The following RIPOR3 variants were observed in gnomAD, a reference collection of about 807,000 sequenced individuals.
RIPOR3 encodes family with sequence similarity 65 member C.
A neutral mutation model predicts 114.3 loss-of-function variants in RIPOR3; 95 were observed. The ratio of observed to expected loss-of-function variants is 0.83; its 90% CI spans 0.70 to 0.99. The LOEUF (loss-of-function observed/expected upper bound fraction) is 0.99. Ranked by LOEUF, RIPOR3 falls within the 50% of genes least tolerant of loss-of-function variation. RIPOR3 has a pLI of 0.00. For synonymous variants in RIPOR3, 575 were observed against 543.8 expected (o/e 1.06, Z -0.80); for missense variants, 1,252 against 1,266.9 (o/e 0.99, Z 0.18).
At chr20:50,618,659 A>G (rs1383674287) in intron 3 of RIPOR3, among the ~76,000 whole-genome samples, 1 of 151,990 alleles carries the variant, frequency 6.6e-6, no homozygotes, top group African/African-American at 2.4e-5. Context: ...TATTCTCTGT[A>G]CTTTTCTTTT....
intron 1 of RIPOR3, among the ~76,000 whole-genome samples, chr20:50,657,043 A>G (rs1461764105): frequency 6.6e-6 from 1 of 152,216 alleles, no homozygotes; most frequent in Admixed American, 6.5e-5. Flanking sequence ...GATATACCAT[A>G]CTTAGCACTG....
At chr20:50,587,945 G>T in intron 20 of RIPOR3, 53 bp from the exon 21 acceptor site, 2 of 1,567,608 alleles carry the variant, frequency 1.3e-6, no homozygotes, top group Non-Finnish European at 1.8e-6. Context: ...TCAACAGCAG[G>T]TAGAGTCCAC....
In RIPOR3 at chr20:50,602,459, C is replaced by T. The variant is rs551010642; in HGVS notation, c.1272G>A (p.Ala424=). ...DPRDTETSTS[A]STSDVGFLPL... ...GCAGGAAGCCCACATCTGAGGTGGACGCCGACGTGCTGGTCTCCGTGTCTC... is the reference window on the plus strand; with the variant it reads ...GCAGGAAGCCCACATCTGAGGTGGATGCCGACGTGCTGGTCTCCGTGTCTC... Residue 424 remains alanine (A), a synonymous_variant, in exon 13 of 22, where the codon GCG becomes GCA. Coordinates refer to ENST00000327979, the MANE Select transcript of RIPOR3 (RefSeq NM_001290268.2). The surrounding 1 kb of genome is among the most constrained non-coding windows in gnomAD (Gnocchi z 4.3). 4.5e-5 allele frequency: 71 copies of T among 1,561,052 alleles called. No individual in the cohort carries two copies. The highest frequency in any genetic ancestry group is 1.9e-4 in the African/African-American group (14 of 73,182).
intron 1 of RIPOR3, among the ~76,000 whole-genome samples, chr20:50,644,088 C>T (rs2085303277): frequency 6.6e-6 from 1 of 151,856 alleles, no homozygotes; most frequent in Non-Finnish European, 1.5e-5. Context: ...CCACTGCACT[C>T]CAGCCTGGGC....
intron 1 of RIPOR3, among the ~76,000 whole-genome samples, chr20:50,640,254 G>A (rs1311956767): frequency 2.0e-5 from 3 of 151,998 alleles, no homozygotes; most frequent in Non-Finnish European, 4.4e-5. Flanking sequence ...CCTAGGATGT[G>A]CACAAAGCCT....
intron 1 of RIPOR3, among the ~76,000 whole-genome samples, chr20:50,643,758 T>C (rs1236365238): frequency 6.9e-6 from 1 of 145,694 alleles, no homozygotes; most frequent in Non-Finnish European, 1.5e-5. Context: ...CAGGCTGGAG[T>C]GCAGTGGTGC....
At chr20:50,607,428 C>T (rs564386303) in intron 11 of RIPOR3, among the ~76,000 whole-genome samples, 4 of 152,290 alleles carry the variant, frequency 2.6e-5, no homozygotes, top group East Asian at 3.9e-4. Context: ...CCATTTGCCT[C>T]GAAGAAACTT....
intron 1 of RIPOR3, among the ~76,000 whole-genome samples, chr20:50,676,518 G>T (rs1013080927): frequency 2.0e-5 from 3 of 152,096 alleles, no homozygotes; most frequent in Non-Finnish European, 4.4e-5. Context: ...CAGACATGGT[G>T]GTGCATGCCT....
chr20:50,603,143 C>T (rs1441766034), intron 12 of RIPOR3, among the ~76,000 whole-genome samples: 1 of 152,242 alleles, frequency 6.6e-6, no homozygotes, highest in African/African-American at 2.4e-5. Flanking sequence ...GTGCACTTCT[C>T]GGATTTTGAT....
intron 2 of RIPOR3, among the ~76,000 whole-genome samples, chr20:50,624,503 A>G (rs902672623): frequency 2.0e-5 from 3 of 152,116 alleles, no homozygotes; most frequent in Non-Finnish European, 4.4e-5. Context: ...GAAAGCTCTG[A>G]GCCTAGTGCT....
At position 50,669,894 on chromosome 20, in the gene RIPOR3, T is replaced by C. The variant is rs184686987; in HGVS notation, c.3+21232A>G. ...AAAAAAGGCTGGGCGCAGTGGCTCA[T>C]GCCTGTAATCCCAGTACTTTGGGAG... is the stretch of plus-strand genomic sequence containing the variant. On this transcript the variant is annotated intron_variant, in intron 1 of 21. Coordinates refer to ENST00000327979, the MANE Select transcript of RIPOR3 (RefSeq NM_001290268.2). Among the ~76,000 whole-genome samples, 41 of 149,744 alleles carry C rather than the reference T, an allele frequency of 2.7e-4. No homozygotes were observed. In the East Asian group the frequency reaches 6.9e-3, roughly 25 times the overall value.
At chr20:50,679,135 A>AAAAATATATATATATAT (rs2086773516) in intron 1 of RIPOR3, among the ~76,000 whole-genome samples, 1 of 20,772 alleles carries the variant, frequency 4.8e-5, no homozygotes, top group African/African-American at 1.3e-4. Flanking sequence ...AAAAAAAAAA[A>AAAAATATATATATATAT]ATATATATAT....
intron 1 of RIPOR3, among the ~76,000 whole-genome samples, chr20:50,637,409 A>T (rs1052777585): frequency 1.3e-5 from 2 of 152,018 alleles, no homozygotes; most frequent in Non-Finnish European, 2.9e-5. Flanking sequence ...CCACCTCCTC[A>T]GAGAGGTCCT....
At chr20:50,672,401 C>T (rs2123543271) in intron 1 of RIPOR3, among the ~76,000 whole-genome samples, 1 of 152,322 alleles carries the variant, frequency 6.6e-6, no homozygotes, top group Middle Eastern at 3.4e-3. Flanking sequence ...GCCCAGCACC[C>T]TCTGCCCTCC....
intron 18 of RIPOR3, 69 bp from the exon 19 acceptor site, chr20:50,592,615 C>T: frequency 7.5e-7 from 1 of 1,337,958 alleles, no homozygotes; most frequent in Non-Finnish European, 9.7e-7. Flanking sequence ...TGCAAGTTTG[C>T]TTGGCTGCTG....
At chr20:50,616,634 G>A (rs890417733) in intron 3 of RIPOR3, among the ~76,000 whole-genome samples, 36 of 152,048 alleles carry the variant, frequency 2.4e-4, no homozygotes, top group Middle Eastern at 3.2e-3. Context: ...GTGAGCTACC[G>A]CATCCAACCT....
In RIPOR3 at chr20:50,602,364, A is replaced by C. The variant is rs527853410; in HGVS notation, c.1367T>G (p.Leu456Arg). The change falls in exon 13 of 22, where the codon CTG (leucine) becomes CGG (arginine). Residue 456 changes from leucine (L) to arginine (R), a missense_variant. By Grantham distance (102) the Leu-to-Arg change is moderately radical. Coordinates refer to ENST00000327979, the MANE Select transcript of RIPOR3 (RefSeq NM_001290268.2). This position sits in a 1 kb window ranked among gnomAD's most constrained non-coding sequence, Gnocchi z 4.3. ...TCCAGAGAGGTGGGCCATCTCTGGC[A>C]GGAGACCTGGGGGCAGGGGGTCCTC... ...AREDPLPPGL[L>R]PEMAHLSGGP... is the part of the protein sequence containing the mutation. The C allele has an allele frequency of 6.2e-7, 1 of 1,613,638 alleles. No homozygotes were observed. The highest frequency in any genetic ancestry group is 1.1e-5 in the South Asian group (1 of 91,072).
chr20:50,587,051 C>T lies in RIPOR3; in HGVS notation c.*181G>A. On this transcript the variant is annotated 3_prime_UTR_variant, in exon 22 of 22. Transcript: ENST00000327979. ...ACCTTTGCCTTGCTTTTTTCTGCCT[C>T]TGTACAAAAGACCAGCCCATGCCCT... 1 of 595,030 alleles carries T rather than the reference C, an allele frequency of 1.7e-6. No individual in the cohort carries two copies. The highest frequency in any genetic ancestry group is 2.1e-5 in the South Asian group (1 of 48,554). The allele number at this position is 595,030 out of a possible 1,614,324, so 36.9% of individuals were successfully genotyped here. A position where few individuals can be genotyped will look rare whatever the true frequency, so the allele number is the denominator to read the frequency against.
chr20:50,586,993 TCTGTTGAGGCCGTGCA>T lies in RIPOR3; in HGVS notation c.*223_*238del, dbSNP rs1012925088. On this transcript the variant is annotated 3_prime_UTR_variant, in exon 22 of 22. Coordinates refer to ENST00000327979, the MANE Select transcript of RIPOR3 (RefSeq NM_001290268.2). ...AGACCCTCAGCCAGAAGTTGAGCGC[TCTGTTGAGGCCGTGCA>T]GCCCCTGGAATGCTGTACCTTTGCC... The T allele has an allele frequency of 1.6e-5, 8 of 488,766 alleles. 1 individual carries two copies. The highest frequency in any genetic ancestry group is 1.5e-4 in the African/African-American group (8 of 51,958). 30.3% of individuals were successfully genotyped at this position (488,766 alleles called of 1,614,324 possible).
Sources: allele counts gnomAD v4.1 joint callset (sites outside exome capture counted in the v4.1 genomes callset), GRCh38; gene constraint gnomAD v4.1.1; non-coding constraint Gnocchi (gnomAD v3.1); transcripts MANE v1.5; gene names NCBI Gene and HGNC (gene_info 2026-07-23, HGNC 2026-07-21).